KLHL5: variants seen among roughly 807,000 people sequenced by gnomAD.
KLHL5 encodes kelch like family member 5.
KLHL5 carries 48 observed loss-of-function variants against 77.7 expected under a neutral mutation model. The observed-to-expected ratio is 0.62, with a 90% CI of 0.49 to 0.79. The LOEUF is 0.79. KLHL5 is among the 30% of genes least tolerant of loss of function. KLHL5 has a pLI of 0.00. For synonymous variants in KLHL5, 260 were observed against 297.0 expected (o/e 0.88, Z 1.28); for missense variants, 723 against 859.7 (o/e 0.84, Z 1.99).
chr4:39,048,335 C>A (rs570069058), intron 1 of KLHL5, among the ~76,000 whole-genome samples: 1 of 152,262 alleles, frequency 6.6e-6, no homozygotes, highest in African/African-American at 2.4e-5. Flanking sequence ...AATGATAGTG[C>A]TATACAAAAT....
chr4:39,115,602 C>G, intron 10 of KLHL5: 3 of 1,419,280 alleles, frequency 2.1e-6, no homozygotes, highest in Non-Finnish European at 2.7e-6. Context: ...CTGATTAAAG[C>G]TGATAGGACT....
At chr4:39,107,844 TAA>T (rs1412430418) in intron 8 of KLHL5, 113 bp downstream of exon 8, 3 of 700,130 alleles carry the variant, frequency 4.3e-6, no homozygotes, top group Non-Finnish European at 6.7e-6. Context: ...AAGAAACTTT[TAA>T]AACAATGTCT....
intron 1 of KLHL5, among the ~76,000 whole-genome samples, chr4:39,045,970 T>G (rs1414083960): frequency 2.6e-5 from 4 of 151,828 alleles, no homozygotes. Flanking sequence ...TTCTCCTTCC[T>G]GTTAGGAAAC....
intron 8 of KLHL5, among the ~76,000 whole-genome samples, chr4:39,109,819 GATTATAGGCACCTGCCACC>G: frequency 6.6e-6 from 1 of 151,014 alleles, no homozygotes; most frequent in Non-Finnish European, 1.5e-5. Context: ...AAGTATCTGG[GATTATAGGCACCTGCCACC>G]ATGCCCAGAT....
intron 1 of KLHL5, among the ~76,000 whole-genome samples, chr4:39,068,327 T>A (rs1455126546): frequency 2.6e-5 from 4 of 152,180 alleles, no homozygotes; most frequent in African/African-American, 9.7e-5. Context: ...TGAACTTGTA[T>A]CTGGAAAGGA....
At chr4:39,079,695 A>G (rs1450359134) in intron 2 of KLHL5, among the ~76,000 whole-genome samples, 2 of 151,978 alleles carry the variant, frequency 1.3e-5, no homozygotes, top group African/African-American at 4.8e-5. Context: ...TCTACTGATC[A>G]TTGTCTCCCT....
chr4:39,052,679 G>A (rs945798486), intron 1 of KLHL5, among the ~76,000 whole-genome samples: 1 of 152,164 alleles, frequency 6.6e-6, no homozygotes, highest in African/African-American at 2.4e-5. Flanking sequence ...AAGTTGGTTG[G>A]TTCATTTCTA....
At chr4:39,069,397 T>C (rs953367138) in intron 1 of KLHL5, among the ~76,000 whole-genome samples, 59 of 150,046 alleles carry the variant, frequency 3.9e-4, no homozygotes, top group African/African-American at 1.4e-3. Flanking sequence ...TCTTTGGATC[T>C]AATTTTTAAG....
intron 8 of KLHL5, among the ~76,000 whole-genome samples, chr4:39,112,046 C>T (rs949986489): frequency 1.3e-5 from 2 of 151,920 alleles, no homozygotes; most frequent in Non-Finnish European, 2.9e-5. Context: ...TGAGCAACAA[C>T]GTAAATTTAC....
At position 39,050,854 on chromosome 4, in the gene KLHL5, T is replaced by A. The variant is rs75503169; in HGVS notation, c.-95+5758T>A. Among the ~76,000 whole-genome samples, 1,538 of 152,360 alleles carry A rather than the reference T, an allele frequency of 0.01. 96 individuals carry two copies. The South Asian group carries it at 0.16, about 16-fold the overall frequency. On this transcript the variant is annotated intron_variant, in intron 1 of 11. Coordinates refer to the KLHL5 transcript ENST00000261425. ...CAGGATAAGAAGGTATAACTGGATC[T>A]GACTTAAGTAACTACGATATTCCCT... is the stretch of plus-strand genomic sequence containing the variant.
At chr4:39,050,019 A>G (rs1241115401) in intron 1 of KLHL5, among the ~76,000 whole-genome samples, 1 of 152,042 alleles carries the variant, frequency 6.6e-6, no homozygotes, top group Non-Finnish European at 1.5e-5. Flanking sequence ...AGGTTGCGGT[A>G]AGCTGACATC....
intron 2 of KLHL5, among the ~76,000 whole-genome samples, chr4:39,077,749 C>A (rs1276399642): frequency 2.0e-5 from 3 of 149,766 alleles, no homozygotes; most frequent in African/African-American, 4.9e-5. Flanking sequence ...GTAGATCTAC[C>A]ATTTGATCCA....
At chr4:39,112,964 T>G (rs1722560494) in intron 8 of KLHL5, 56 bp from the exon 9 acceptor site, 6 of 1,479,178 alleles carry the variant, frequency 4.1e-6, no homozygotes, top group Non-Finnish European at 5.6e-6. Context: ...AGAGCCTCTT[T>G]GTTCTAAGCA....
At chr4:39,085,562 A>G (rs2109400846) in intron 4 of KLHL5, among the ~76,000 whole-genome samples, 1 of 152,306 alleles carries the variant, frequency 6.6e-6, no homozygotes, top group South Asian at 2.1e-4. Flanking sequence ...CGTGTCAACT[A>G]TCCATTCATT....
chr4:39,095,701 T>C (rs1721004809), intron 5 of KLHL5, among the ~76,000 whole-genome samples: 1 of 151,948 alleles, frequency 6.6e-6, no homozygotes, highest in South Asian at 2.1e-4. Context: ...TTAGCATATC[T>C]ATATACTATG....
intron 1 of KLHL5, among the ~76,000 whole-genome samples, chr4:39,070,519 T>C (rs1718376975): frequency 6.6e-6 from 1 of 152,204 alleles, no homozygotes; most frequent in South Asian, 2.1e-4. Flanking sequence ...GATGATTCTT[T>C]CCTTTGGACA....
chr4:39,090,449 GT>G (rs746309553), intron 5 of KLHL5, among the ~76,000 whole-genome samples: 4,886 of 134,880 alleles, frequency 0.036, 184 homozygotes, highest in African/African-American at 0.1. Context: ...TTTTTGTATG[GT>G]TTTTTTTTTT....
intron 1 of KLHL5, among the ~76,000 whole-genome samples, chr4:39,065,971 G>T (rs550745001): frequency 3.9e-5 from 6 of 152,118 alleles, no homozygotes; most frequent in Non-Finnish European, 7.4e-5. Context: ...AAGGGACAGC[G>T]TATGTTGGTC....
At chr4:39,110,658 G>A (rs1397108239) in intron 8 of KLHL5, among the ~76,000 whole-genome samples, 1 of 151,948 alleles carries the variant, frequency 6.6e-6, no homozygotes, top group Admixed American at 6.6e-5. Context: ...TGTAGAGATG[G>A]GATCTCACTG....
Sources: gnomAD v4.1 joint callset for allele counts (sites outside exome capture counted in the v4.1 genomes callset) on GRCh38, gnomAD v4.1.1 for gene constraint, MANE v1.5 for transcripts, NCBI Gene and HGNC (gene_info 2026-07-23, HGNC 2026-07-21) for gene names.